Variants in ABCB4 observed in about 807,000 individuals in gnomAD.
ABCB4 encodes phosphatidylcholine translocator ABCB4.
Under a neutral mutation model 145.7 loss-of-function variants are expected in ABCB4, and 76 were observed. That is an observed-to-expected ratio of 0.52 (90% CI 0.43 to 0.63). ABCB4 has a LOEUF of 0.63. ABCB4 is among the 30% of genes least tolerant of loss of function. The pLI is 0.00. For synonymous variants in ABCB4, 517 were observed against 566.8 expected (o/e 0.91, Z 1.25); for missense variants, 1,234 against 1,553.1 (o/e 0.79, Z 3.45).
chr7:87,370,399 TC>T, the ABCB4 span, among the ~76,000 whole-genome samples: 1 of 152,124 alleles, frequency 6.6e-6, no homozygotes, highest in African/African-American at 2.4e-5. Flanking sequence ...GCCAAGCTGG[TC>T]TTGAACTCCT....
intron 24 of ABCB4, among the ~76,000 whole-genome samples, chr7:87,408,821 A>G (rs895940949): frequency 3.3e-5 from 5 of 152,222 alleles, no homozygotes; most frequent in African/African-American, 1.2e-4. Context: ...AGTTACCTTT[A>G]TAGATAATAA....
intron 26 of ABCB4, among the ~76,000 whole-genome samples, chr7:87,405,725 A>G (rs1400792687): frequency 6.6e-6 from 1 of 152,084 alleles, no homozygotes; most frequent in Non-Finnish European, 1.5e-5. Flanking sequence ...GTGCCTGGCC[A>G]GTGTTCTTAA....
chr7:87,394,601 G>A, the ABCB4 span, among the ~76,000 whole-genome samples: 1 of 151,222 alleles, frequency 6.6e-6, no homozygotes, highest in Admixed American at 6.6e-5. Context: ...AGCTACACTG[G>A]CAGGCATTAA....
chr7:87,398,706 T>C (rs576804700), downstream of ABCB4: 3 of 1,515,928 alleles, frequency 2.0e-6, no homozygotes, highest in Non-Finnish European at 1.8e-6. Flanking sequence ...TGGGAGTGAG[T>C]TGGTAATATG....
At chr7:87,420,170 G>A (rs917561253) in intron 18 of ABCB4, 95 bp from the exon 19 acceptor site, 2 of 1,221,646 alleles carry the variant, frequency 1.6e-6, no homozygotes, top group African/African-American at 3.0e-5. Flanking sequence ...AAAGTTATGA[G>A]TTGTTTTACA....
At chr7:87,469,784 C>T (rs1429596173) in intron 3 of ABCB4, among the ~76,000 whole-genome samples, 1 of 152,046 alleles carries the variant, frequency 6.6e-6, no homozygotes, top group Non-Finnish European at 1.5e-5. Flanking sequence ...GTGAAAATGG[C>T]CATACTGCCC....
chr7:87,369,801 T>C, the ABCB4 span: 2 of 149,818 alleles, frequency 1.3e-5, no homozygotes, highest in African/African-American at 4.9e-5. Context: ...AATTTACATG[T>C]ATACCTAGCT....
chr7:87,443,286 C>T (rs1424058072), intron 12 of ABCB4, 33 bp downstream of exon 12: 4 of 1,613,326 alleles, frequency 2.5e-6, no homozygotes, highest in Non-Finnish European at 2.5e-6. Context: ...TATCCAGCTT[C>T]CCACTCTGGA....
At chr7:87,384,191 C>T in the ABCB4 span, among the ~76,000 whole-genome samples, 1 of 152,026 alleles carries the variant, frequency 6.6e-6, no homozygotes, top group Admixed American at 6.6e-5. Flanking sequence ...GAGCATTTTT[C>T]ATATACTTGT....
chr7:87,449,122 A>G (rs1468301822), intron 8 of ABCB4, among the ~76,000 whole-genome samples: 1 of 152,088 alleles, frequency 6.6e-6, no homozygotes, highest in Non-Finnish European at 1.5e-5. Flanking sequence ...ATTTTTTCAG[A>G]GAAGAGTTTG....
the ABCB4 span, among the ~76,000 whole-genome samples, chr7:87,384,164 C>T: frequency 0.043 from 6,511 of 151,954 alleles, 453 homozygotes; most frequent in African/African-American, 0.15. Flanking sequence ...TTGCATTTCC[C>T]GATGATTAGT....
intron 3 of ABCB4, among the ~76,000 whole-genome samples, chr7:87,469,304 A>C (rs1813185501): frequency 6.6e-6 from 1 of 152,230 alleles, no homozygotes; most frequent in South Asian, 2.1e-4. Flanking sequence ...TCCCTTTGAA[A>C]ATTGGCACAA....
At chr7:87,453,330 T>C (rs1360887969) in intron 5 of ABCB4, among the ~76,000 whole-genome samples, 195 bp from the exon 6 acceptor site, 1 of 152,076 alleles carries the variant, frequency 6.6e-6, no homozygotes, top group Non-Finnish European at 1.5e-5. Context: ...ATTACAGGCA[T>C]GCACCACCAT....
intron 3 of ABCB4, among the ~76,000 whole-genome samples, chr7:87,470,671 C>T (rs1464710836): frequency 6.6e-6 from 1 of 152,142 alleles, no homozygotes; most frequent in Admixed American, 6.5e-5. Context: ...CAATGAGATA[C>T]CATCTCACAC....
At chr7:87,435,504 T>G (rs894826497) in intron 14 of ABCB4, among the ~76,000 whole-genome samples, 5 of 152,194 alleles carry the variant, frequency 3.3e-5, no homozygotes, top group African/African-American at 1.2e-4. Context: ...GTTTGCCATC[T>G]TCGGATGTTA....
chr7:87,421,626 A>C (rs1000094533), intron 18 of ABCB4, among the ~76,000 whole-genome samples: 2 of 152,262 alleles, frequency 1.3e-5, no homozygotes, highest in African/African-American at 4.8e-5. Context: ...AAAGAGACAA[A>C]AGAAATTACA....
chr7:87,378,507 G>C, the ABCB4 span, among the ~76,000 whole-genome samples: 7 of 152,130 alleles, frequency 4.6e-5, no homozygotes, highest in African/African-American at 1.7e-4. Context: ...GCTTTCATTA[G>C]AAATCTCTCC....
the ABCB4 span, among the ~76,000 whole-genome samples, chr7:87,391,340 C>T: frequency 5.3e-5 from 8 of 152,286 alleles, no homozygotes; most frequent in South Asian, 1.7e-3. Flanking sequence ...GCAGGAATCA[C>T]GGGGGCCATC....
Position 87,454,525 on chromosome 7 carries a change from T to G in ABCB4, c.344+10A>C. On this transcript the variant is annotated intron_variant, in intron 5 of 27. Transcript: ENST00000649586. ...AAACTTTAAAAAAGTAGACCATATA[T>G]ATGAGTTACCTAGTCATTTCTTCTT... 2 of 1,597,322 alleles carry G rather than the reference T, an allele frequency of 1.3e-6. No homozygotes were observed. The highest frequency in any genetic ancestry group is 1.7e-6 in the Non-Finnish European group (2 of 1,166,102).
Sources: allele counts gnomAD v4.1 joint callset (sites outside exome capture counted in the v4.1 genomes callset), GRCh38; gene constraint gnomAD v4.1.1; transcripts MANE v1.5; gene names NCBI Gene and HGNC (gene_info 2026-07-23, HGNC 2026-07-21).